AKR7A2: variants seen among roughly 807,000 people sequenced by gnomAD.
AKR7A2 encodes aflatoxin B1 aldehyde reductase member 2.
A neutral mutation model predicts 37.3 loss-of-function variants in AKR7A2; 29 were observed. The ratio of observed to expected loss-of-function variants is 0.78; its 90% CI spans 0.58 to 1.06. The LOEUF is 1.06. Among genes scored for constraint, AKR7A2 ranks in the 50% least tolerant of loss-of-function variants. The pLI, the probability that AKR7A2 is intolerant of heterozygous loss-of-function variation, is 0.00. For missense variants in AKR7A2, 529 were observed against 497.9 expected, an observed-to-expected ratio of 1.06 and a Z score of -0.59; for synonymous variants, 228 against 217.8, an observed-to-expected ratio of 1.05 and a Z score of -0.41.
chr1:19,308,054 A>T, intron 3 of AKR7A2, 104 bp downstream of exon 3: 1 of 1,424,702 alleles, frequency 7.0e-7, no homozygotes, highest in Non-Finnish European at 9.9e-7. Flanking sequence ...TCAGCAGGGG[A>T]GTGGCTGCTA....
chr1:19,309,066 T>A (rs923254987), intron 1 of AKR7A2, among the ~76,000 whole-genome samples: 63 of 152,112 alleles, frequency 4.1e-4, no homozygotes, highest in African/African-American at 1.4e-3. Flanking sequence ...CTCTAGGGGA[T>A]CACTCCCAGA....
chr1:19,307,422 G>A lies in AKR7A2; in HGVS notation c.592-12C>T. The A allele has an allele frequency of 6.2e-7, 1 of 1,614,058 alleles. No individual in the cohort carries two copies. On this transcript the variant is annotated splice_polypyrimidine_tract_variant and intron_variant, in intron 3 of 6. Transcript: ENST00000235835. ...GCGTTGTACATGCCCTGCAGGGAGA[G>A]GGACCCCGGGGACAGGGTGGACATG... is the stretch of plus-strand genomic sequence containing the variant.
chr1:19,303,155 T>C (rs2093755334), downstream of AKR7A2, among the ~76,000 whole-genome samples: 1 of 152,120 alleles, frequency 6.6e-6, no homozygotes, highest in South Asian at 2.1e-4. Context: ...AAATAAAAAC[T>C]TCTCGGGAGG....
At chr1:19,307,902 T>G (rs1191527341) in intron 3 of AKR7A2, 1 of 585,960 alleles carries the variant, frequency 1.7e-6, no homozygotes, top group African/African-American at 1.9e-5. Context: ...AGGGGAAATG[T>G]GTTCCAGGCT....
In AKR7A2 at chr1:19,308,604, A is replaced by G. The variant is rs967050295; in HGVS notation, c.337T>C (p.Ser113Pro). Residue 113 changes from serine (S) to proline (P), a missense_variant, in exon 2 of 7, where the codon TCA becomes CCA. Coordinates refer to ENST00000235835, the MANE Select transcript of AKR7A2 (RefSeq NM_003689.4). The part of the protein sequence containing the change: ...ATKANPWDGK[S>P]LKPDSVRSQL... ...GACCGGACACTGTCAGGCTTTAGTGATTTTCCATCCCAAGGGTTGGCCTTG... is the reference window on the plus strand; with the variant it reads ...GACCGGACACTGTCAGGCTTTAGTGGTTTTCCATCCCAAGGGTTGGCCTTG... 1.5e-5 allele frequency: 25 copies of G among 1,614,066 alleles called. No individual in the cohort carries two copies. The highest frequency in any genetic ancestry group is 2.1e-5 in the Non-Finnish European group (25 of 1,180,000).
At chr1:19,306,826 C>G (rs565194687) in intron 5 of AKR7A2, among the ~76,000 whole-genome samples, 176 bp downstream of exon 5, 1 of 152,134 alleles carries the variant, frequency 6.6e-6, no homozygotes, top group Admixed American at 6.5e-5. Flanking sequence ...CATTTCCCCC[C>G]CAGAGGTCTC....
rs1433729207 is a variant in AKR7A2, at chr1:19,312,087, G to A, written c.38C>T (p.Ala13Val). ...SAASRVVSRA[A>V]VHCALRSPPP... The stretch of plus-strand genomic sequence containing the variant: ...CGGAGAGCGAAGCGCGCAGTGGACG[G>A]CGGCGCGGGAGACTACGCGAGACGC... The change falls in exon 1 of 7, where the codon GCC becomes GTC. Residue 13 changes from alanine to valine, a missense_variant. Ala to Val is a moderately conservative substitution (Grantham distance 64, BLOSUM62 0). Coordinates refer to ENST00000235835, the MANE Select transcript of AKR7A2 (RefSeq NM_003689.4). 1 of 1,341,956 alleles carries A rather than the reference G, an allele frequency of 7.5e-7. No individual in the cohort carries two copies. The highest frequency in any genetic ancestry group is 9.5e-7 in the Non-Finnish European group (1 of 1,055,898). 83.1% of individuals were successfully genotyped at this position (1,341,956 alleles called of 1,614,324 possible).
chr1:19,306,975 T>G, intron 5 of AKR7A2, 27 bp downstream of exon 5: 1 of 1,590,592 alleles, frequency 6.3e-7, no homozygotes, highest in South Asian at 1.1e-5. Flanking sequence ...ACCCCAGCCA[T>G]CCTCACCAAG....
At chr1:19,310,762 C>G (rs186492564) in intron 1 of AKR7A2, among the ~76,000 whole-genome samples, 1 of 151,966 alleles carries the variant, frequency 6.6e-6, no homozygotes, top group African/African-American at 2.4e-5. Context: ...CTTTTCCCCC[C>G]GACCCCCCAA....
chr1:19,308,140 T>G lies in AKR7A2; in HGVS notation c.591+18A>C, dbSNP rs779252486. 7.4e-6 allele frequency: 12 copies of G among 1,613,938 alleles called. No individual in the cohort carries two copies. The South Asian group carries it at 1.1e-4, about 15-fold the overall frequency. On this transcript the variant is annotated intron_variant, in intron 3 of 6. Coordinates refer to ENST00000235835, the MANE Select transcript of AKR7A2 (RefSeq NM_003689.4). ...CAGGAGTCCTGGAGACCTTGGCCTC[T>G]GCAGCCCCGGCCCTCACCTGGTACA...
intron 1 of AKR7A2, among the ~76,000 whole-genome samples, chr1:19,311,549 C>T (rs1255888895): frequency 1.4e-5 from 2 of 147,408 alleles, no homozygotes; most frequent in East Asian, 2.0e-4. Context: ...GGTTTGGAGG[C>T]GGGGGCATCA....
chr1:19,305,972 G>T lies in AKR7A2; in HGVS notation c.918+46C>A, dbSNP rs1441120946. The T allele has an allele frequency of 1.9e-6, 3 of 1,612,736 alleles. No homozygotes were observed. In the African/African-American group the frequency reaches 4.0e-5, roughly 22 times the overall value. ...TGGGCTTCACCTAAAGGTGACGCTG[G>T]TCCCCCTGGAAGGGAAGAAGCTGAG... On this transcript the variant is annotated intron_variant, in intron 6 of 6. Transcript: ENST00000235835.
intron 3 of AKR7A2, chr1:19,307,639 G>T (rs1296550941): frequency 3.3e-6 from 2 of 598,940 alleles, no homozygotes; most frequent in African/African-American, 3.7e-5. Context: ...CTGGACACTG[G>T]TTACAACCAC....
At position 19,307,426 on chromosome 1, in the gene AKR7A2, C is replaced by A. The variant is rs562983847; in HGVS notation, c.592-16G>T. The A allele has an allele frequency of 1.7e-5, 27 of 1,613,914 alleles. No homozygotes were observed. In the Middle Eastern group the frequency reaches 5.0e-4, roughly 30 times the overall value. ...TGTACATGCCCTGCAGGGAGAGGGA[C>A]CCCGGGGACAGGGTGGACATGTCAA... is the stretch of plus-strand genomic sequence containing the variant. On this transcript the variant is annotated splice_polypyrimidine_tract_variant and intron_variant, in intron 3 of 6. Coordinates refer to ENST00000235835, the MANE Select transcript of AKR7A2 (RefSeq NM_003689.4).
chr1:19,303,026 G>A (rs1243699083), downstream of AKR7A2, among the ~76,000 whole-genome samples: 1 of 152,090 alleles, frequency 6.6e-6, no homozygotes, highest in African/African-American at 2.4e-5. Flanking sequence ...TTATTAGTGT[G>A]GTTTGTTGTG....
rs2093761535 is a variant in AKR7A2, at chr1:19,306,254, C to G, written c.789-107G>C. ...ACTGCCCCACCCCACACCCTGCAGC[C>G]CTGAGGGGCGGGTGTCCTCTCTAGT... On this transcript the variant is annotated intron_variant, in intron 5 of 6. Transcript: ENST00000235835. 2.6e-6 allele frequency: 4 copies of G among 1,516,456 alleles called. No homozygotes were observed. In the Admixed American group the frequency reaches 6.9e-5, roughly 26 times the overall value. 93.9% of individuals were successfully genotyped at this position (1,516,456 alleles called of 1,614,324 possible).
intron 1 of AKR7A2, 28 bp downstream of exon 1, chr1:19,311,799 C>A (rs376504937): frequency 1.9e-6 from 3 of 1,609,720 alleles, no homozygotes; most frequent in Admixed American, 1.7e-5. Flanking sequence ...CTACACGATG[C>A]ATGGGGAGGA....
intron 6 of AKR7A2, 111 bp from the exon 7 acceptor site, chr1:19,304,497 T>C (rs1396262980): frequency 8.2e-6 from 13 of 1,585,272 alleles, no homozygotes; most frequent in East Asian, 2.2e-5. Flanking sequence ...TATATTTATA[T>C]CTTGTATGTC....
chr1:19,308,479 A>G lies in AKR7A2; in HGVS notation c.462T>C (p.His154=), dbSNP rs1300969434. The part of the protein sequence containing the change: ...DHGTPVEETL[H]ACQRLHQEGK... Reference sequence around the variant, plus strand: ...CCTCCTGGTGCAGCCGCTGGCAGGCATGCAGCGTCTCTTCCACCGGGGTGC... The same window carrying G: ...CCTCCTGGTGCAGCCGCTGGCAGGCGTGCAGCGTCTCTTCCACCGGGGTGC... The change falls in exon 2 of 7, where the codon CAT becomes CAC. Residue 154 remains histidine (H), a synonymous_variant. Transcript: ENST00000235835. The G allele has an allele frequency of 6.2e-7, 1 of 1,614,080 alleles. No homozygotes were observed. The highest frequency in any genetic ancestry group is 8.5e-7 in the Non-Finnish European group (1 of 1,180,020).
Sources: allele counts gnomAD v4.1 joint callset (sites outside exome capture counted in the v4.1 genomes callset), GRCh38; gene constraint gnomAD v4.1.1; transcripts MANE v1.5; gene names NCBI Gene and HGNC (gene_info 2026-07-23, HGNC 2026-07-21).